The following FRY variants were observed in gnomAD, a reference collection of about 807,000 sequenced individuals.
FRY encodes FRY microtubule binding protein.
FRY carries 128 observed loss-of-function variants against 348.4 expected under a neutral mutation model. The observed-to-expected ratio is 0.37, with a 90% CI of 0.32 to 0.43. FRY has a LOEUF of 0.43. Among genes scored for constraint, FRY ranks in the 20% least tolerant of loss-of-function variants. The pLI is 1.00. For synonymous variants in FRY, 1,370 were observed against 1,374.7 expected, an observed-to-expected ratio of 1.00 and a Z score of 0.08; for missense variants, 2,736 against 3,695.2, an observed-to-expected ratio of 0.74 and a Z score of 6.73.
At chr13:32,261,225 C>T (rs140110582) in intron 51 of FRY, among the ~76,000 whole-genome samples, 2 of 152,320 alleles carry the variant, frequency 1.3e-5, no homozygotes, top group African/African-American at 4.8e-5. Context: ...GAAAACAGTA[C>T]TAAACAGGGG....
In FRY at chr13:32,201,628, CATTAAA is replaced by C. The variant is rs1884035375; in HGVS notation, c.3747-312_3747-307del. On this transcript the variant is annotated intron_variant, in intron 29 of 60. Coordinates refer to ENST00000542859, the MANE Select transcript of FRY (RefSeq NM_023037.3). Reference sequence around the variant, plus strand: ...TTCACTTGTTGGTTTGCATTAAAGTCATTAAAGTCCGTTTGCATCAGATAGACTTTT... The same window carrying C: ...TTCACTTGTTGGTTTGCATTAAAGTCGTCCGTTTGCATCAGATAGACTTTT... Among the ~76,000 whole-genome samples the C allele has an allele frequency of 2.0e-4, 11 of 54,050 alleles. No homozygotes were observed. In the Admixed American group the frequency reaches 2.2e-3, roughly 11 times the overall value. The allele number at this position is 54,050 out of a possible 152,430, so 35.5% of individuals were successfully genotyped here.
intron 3 of FRY, among the ~76,000 whole-genome samples, chr13:32,115,044 T>A (rs1334971364): frequency 6.6e-6 from 1 of 152,230 alleles, no homozygotes; most frequent in Non-Finnish European, 1.5e-5. Flanking sequence ...TTTTACCTTA[T>A]ATTAACTCAT....
intron 1 of FRY, chr13:32,060,895 C>G (rs1268343583): frequency 2.8e-6 from 1 of 354,552 alleles, no homozygotes; most frequent in South Asian, 2.2e-5. Flanking sequence ...GACGGAAGGC[C>G]TGTTTTAGTT....
chr13:32,292,117 G>T, intron 59 of FRY: 1 of 393,412 alleles, frequency 2.5e-6, no homozygotes, highest in Admixed American at 2.9e-5. Context: ...CGAATAGCTG[G>T]GATTACAGGC....
At chr13:32,214,034 A>G (rs1418527937) in intron 35 of FRY, among the ~76,000 whole-genome samples, 1 of 152,254 alleles carries the variant, frequency 6.6e-6, no homozygotes, top group African/African-American at 2.4e-5. Context: ...TTATCTACCT[A>G]TAACATTGAT....
chr13:32,272,070 T>A (rs1888234148), intron 55 of FRY, among the ~76,000 whole-genome samples: 1 of 152,222 alleles, frequency 6.6e-6, no homozygotes, highest in Non-Finnish European at 1.5e-5. Context: ...ACATTTATAC[T>A]TGAGAACTTT....
chr13:32,170,639 C>G (rs1458982530), intron 17 of FRY, among the ~76,000 whole-genome samples: 2 of 152,116 alleles, frequency 1.3e-5, no homozygotes, highest in Non-Finnish European at 2.9e-5. Flanking sequence ...CAGGTTCATG[C>G]CATTCTCCTA....
chr13:32,293,119 C>T (rs974494532), intron 59 of FRY, among the ~76,000 whole-genome samples: 4 of 152,086 alleles, frequency 2.6e-5, no homozygotes, highest in African/African-American at 9.7e-5. Flanking sequence ...CACTTTATTG[C>T]AGATGTCTAG....
At chr13:32,281,980 C>T (rs186705428) in intron 58 of FRY, among the ~76,000 whole-genome samples, 125 of 152,212 alleles carry the variant, frequency 8.2e-4, no homozygotes, top group African/African-American at 2.7e-3. Context: ...CAGGCAGCCT[C>T]GGTTCCCATC....
Position 32,225,680 on chromosome 13 carries a change from A to G in FRY, c.5021-109A>G, listed in dbSNP as rs1885542382. On this transcript the variant is annotated intron_variant, in intron 38 of 60. Coordinates refer to ENST00000542859, the MANE Select transcript of FRY (RefSeq NM_023037.3). ...AACCCAAACAATAACAAAGAAAACTAAACATTCTTTTAACATGTTCCTCCT... is the reference window on the plus strand; with the variant it reads ...AACCCAAACAATAACAAAGAAAACTGAACATTCTTTTAACATGTTCCTCCT... 8 of 922,162 alleles carry G rather than the reference A, an allele frequency of 8.7e-6. No individual in the cohort carries two copies. The South Asian group carries it at 1.0e-4, about 12-fold the overall frequency. The allele number at this position is 922,162 out of a possible 1,614,324, so 57.1% of individuals were successfully genotyped here. A position where few individuals can be genotyped will look rare whatever the true frequency, so the allele number is the denominator to read the frequency against.
At position 32,173,391 on chromosome 13, in the gene FRY, A is replaced by G; in HGVS notation, c.2176A>G (p.Arg726Gly). 1 of 1,612,236 alleles carries G rather than the reference A, an allele frequency of 6.2e-7. No individual in the cohort carries two copies. The highest frequency in any genetic ancestry group is 8.5e-7 in the Non-Finnish European group (1 of 1,179,770). Reference sequence around the variant, plus strand: ...GCTCATCGCAAATGGCTCCAGTCACAGAATTCAGTCGGAACGAGGTCCCCA... The same window carrying G: ...GCTCATCGCAAATGGCTCCAGTCACGGAATTCAGTCGGAACGAGGTCCCCA... ...SELIANGSSH[R>G]IQSERGPHCS... Residue 726 changes from arginine to glycine, a missense_variant, in exon 19 of 61, where the codon AGA (arginine) becomes GGA (glycine). Physicochemically the swap from Arg to Gly is moderately radical, Grantham distance 125. Coordinates refer to ENST00000542859, the MANE Select transcript of FRY (RefSeq NM_023037.3).
At chr13:32,152,321 T>G (rs550481683) in intron 14 of FRY, among the ~76,000 whole-genome samples, 1 of 152,308 alleles carries the variant, frequency 6.6e-6, no homozygotes, top group South Asian at 2.1e-4. Flanking sequence ...AACATAATTT[T>G]GTAAAAGAAG....
At chr13:32,190,770 A>G (rs1169301135) in intron 28 of FRY, among the ~76,000 whole-genome samples, 1 of 152,186 alleles carries the variant, frequency 6.6e-6, no homozygotes, top group African/African-American at 2.4e-5. Flanking sequence ...TGATTTATGG[A>G]GACAATGCAA....
chr13:32,097,573 C>G (rs759414996), intron 2 of FRY, among the ~76,000 whole-genome samples: 4 of 151,956 alleles, frequency 2.6e-5, no homozygotes, highest in Non-Finnish European at 4.4e-5. Flanking sequence ...GTTGGCCAGG[C>G]TGGTCTCGAA....
chr13:32,042,017 A>G (rs1318348161), intron 1 of FRY, among the ~76,000 whole-genome samples: 1 of 152,254 alleles, frequency 6.6e-6, no homozygotes, highest in Middle Eastern at 3.2e-3. Flanking sequence ...CATTTTAAAT[A>G]TCAAAAAATC....
chr13:32,040,000 T>G (rs1566040836), intron 1 of FRY, among the ~76,000 whole-genome samples: 1 of 152,212 alleles, frequency 6.6e-6, no homozygotes, highest in Admixed American at 6.5e-5. Context: ...TCTCAGCTAA[T>G]GCCATAAGCA....
chr13:32,232,355 T>C (rs975631496), intron 41 of FRY, among the ~76,000 whole-genome samples: 1 of 152,228 alleles, frequency 6.6e-6, no homozygotes, highest in Non-Finnish European at 1.5e-5. Flanking sequence ...CTGATTCTGA[T>C]TTCCTTGTAC....
chr13:32,231,352 A>T (rs1424530906), intron 41 of FRY, 52 bp downstream of exon 41: 1 of 1,577,578 alleles, frequency 6.3e-7, no homozygotes, highest in African/African-American at 1.3e-5. Flanking sequence ...TCTGTAATGG[A>T]CACTGTCTCT....
intron 31 of FRY, among the ~76,000 whole-genome samples, chr13:32,206,249 C>T (rs368886223): frequency 5.3e-5 from 8 of 151,916 alleles, no homozygotes; most frequent in South Asian, 4.2e-4. Context: ...CAGACTGGTC[C>T]GAGGAAGAGC....
Sources: allele counts gnomAD v4.1 joint callset (sites outside exome capture counted in the v4.1 genomes callset), GRCh38; gene constraint gnomAD v4.1.1; transcripts MANE v1.5; gene names NCBI Gene and HGNC (gene_info 2026-07-23, HGNC 2026-07-21).